Variants in ITGA6 observed in about 807,000 individuals in gnomAD.
ITGA6 encodes the protein integrin subunit alpha 6, also known as integrin alpha-6.
In ITGA6, 63 loss-of-function variants were observed where a neutral mutation model predicts 133.6. That is an observed-to-expected ratio of 0.47 (90% confidence interval 0.38 to 0.58). The LOEUF is 0.58. Ranked by LOEUF, ITGA6 falls within the 20% of genes least tolerant of loss-of-function variation. ITGA6 has a pLI of 0.00. For synonymous variants in ITGA6, 434 were observed against 482.0 expected (o/e 0.90, Z 1.30); for missense variants, 1,068 against 1,309.4 (o/e 0.82, Z 2.85).
At chr2:172,462,591 C>T (rs1178922606) in intron 1 of ITGA6, among the ~76,000 whole-genome samples, 2 of 152,170 alleles carry the variant, frequency 1.3e-5, no homozygotes, top group African/African-American at 4.8e-5. Flanking sequence ...TCACCACAGC[C>T]CCTGTAACCA....
intron 1 of ITGA6, among the ~76,000 whole-genome samples, chr2:172,439,725 C>T (rs1308262923): frequency 6.7e-6 from 1 of 148,400 alleles, no homozygotes; most frequent in African/African-American, 2.4e-5. Flanking sequence ...CCAGCTCAAC[C>T]TTTTCTCTCT....
chr2:172,427,774 C>G lies in ITGA6; in HGVS notation c.-15C>G. 6.3e-7 allele frequency: 1 copy of G among 1,579,254 alleles called. No individual in the cohort carries two copies. The highest frequency in any genetic ancestry group is 8.6e-7 in the Non-Finnish European group (1 of 1,164,720). On this transcript the variant is annotated 5_prime_UTR_variant, in exon 1 of 26. Coordinates refer to ENST00000684293, the MANE Select transcript of ITGA6 (RefSeq NM_000210.4). ...GCCGCTGCAGGTCCCCGCTCCCCTCCCCGTGCGTCCGCCCATGGCCGCCGC... is the reference window on the plus strand; with the variant it reads ...GCCGCTGCAGGTCCCCGCTCCCCTCGCCGTGCGTCCGCCCATGGCCGCCGC...
In ITGA6 at chr2:172,441,559, T is replaced by TAA. The variant is rs57828626; in HGVS notation, c.182+13624_182+13625dup. 6.4e-3 allele frequency among the ~76,000 whole-genome samples: 312 copies of TAA among 48,804 alleles called. 9 individuals are homozygous for TAA. The highest frequency in any genetic ancestry group is 9.6e-3 in the Non-Finnish European group (226 of 23,644). 32.0% of individuals were successfully genotyped at this position (48,804 alleles called of 152,430 possible). On this transcript the variant is annotated intron_variant, in intron 1 of 25. Transcript: ENST00000684293. Reference sequence around the variant, plus strand: ...TAACAGAGTGGAGACGCTGTCTCTTTAAAAAAAAAAAAAAAAAAAAAAAAA... The same window carrying TAA: ...TAACAGAGTGGAGACGCTGTCTCTTTAAAAAAAAAAAAAAAAAAAAAAAAAAA...
At chr2:172,493,549 A>G (rs1687008856) in intron 23 of ITGA6, among the ~76,000 whole-genome samples, 1 of 152,168 alleles carries the variant, frequency 6.6e-6, no homozygotes, top group African/African-American at 2.4e-5. Flanking sequence ...AAGAATGCCA[A>G]GGGTAAACAT....
Position 172,455,848 on chromosome 2 carries a change from G to A in ITGA6, c.183-9691G>A, listed in dbSNP as rs181635273. Among the ~76,000 whole-genome samples the A allele has an allele frequency of 5.3e-3, 811 of 152,234 alleles. 6 individuals carry two copies. The highest frequency in any genetic ancestry group is 0.019 in the African/African-American group (777 of 41,538). On this transcript the variant is annotated intron_variant, in intron 1 of 25. Transcript: ENST00000684293. ...GTACACACACACCAACATGCATATA[G>A]GCTAGAAAGCCTGATATGAGGTGTT...
intron 1 of ITGA6, among the ~76,000 whole-genome samples, chr2:172,445,689 C>T (rs1684740579): frequency 6.6e-6 from 1 of 151,520 alleles, no homozygotes; most frequent in Admixed American, 6.6e-5. Context: ...CCTGAAAGAC[C>T]TCTTTTGGTT....
At position 172,430,498 on chromosome 2, in the gene ITGA6, AAGG is replaced by A. The variant is rs147397399; in HGVS notation, c.182+2531_182+2533del. Among the ~76,000 whole-genome samples the A allele has an allele frequency of 2.7e-3, 417 of 152,370 alleles. 2 individuals carry two copies. The highest frequency in any genetic ancestry group is 9.7e-3 in the African/African-American group (403 of 41,596). On this transcript the variant is annotated intron_variant, in intron 1 of 25. Coordinates refer to ENST00000684293, the MANE Select transcript of ITGA6 (RefSeq NM_000210.4). ...GTTTAATGAACAGAGGACTTTGAGG[AAGG>A]AGAAGTAAAATATCAGATGCATGGG... is the stretch of plus-strand genomic sequence containing the variant.
intron 5 of ITGA6, among the ~76,000 whole-genome samples, chr2:172,471,726 GCT>G (rs1469901744): frequency 6.6e-6 from 1 of 152,082 alleles, no homozygotes; most frequent in African/African-American, 2.4e-5. Flanking sequence ...AACTCCTAAG[GCT>G]TGTTTGCATG....
In ITGA6 at chr2:172,487,062, T is replaced by C. The variant is rs777214842; in HGVS notation, c.1894T>C (p.Cys632Arg). Residue 632 changes from cysteine to arginine, a missense_variant, in exon 14 of 26, where the codon TGT (cysteine) becomes CGT (arginine). Physicochemically the swap from Cys to Arg is radical, Grantham distance 180. Coordinates refer to ENST00000684293, the MANE Select transcript of ITGA6 (RefSeq NM_000210.4). ...AGAGGGATGTGGAGACGACAATGTATGTAACAGCAACCTTAAACTAGAATA... is the reference window on the plus strand; with the variant it reads ...AGAGGGATGTGGAGACGACAATGTACGTAACAGCAACCTTAAACTAGAATA... ...LKEGCGDDNV[C>R]NSNLKLEYKF... 1 of 1,613,052 alleles carries C rather than the reference T, an allele frequency of 6.2e-7. No homozygotes were observed. The highest frequency in any genetic ancestry group is 8.5e-7 in the Non-Finnish European group (1 of 1,179,012).
Position 172,498,050 on chromosome 2 carries a change from A to C in ITGA6, c.3064A>C (p.Ile1022Leu). 1 of 1,613,834 alleles carries C rather than the reference A, an allele frequency of 6.2e-7. No individual in the cohort carries two copies. The highest frequency in any genetic ancestry group is 8.5e-7 in the Non-Finnish European group (1 of 1,179,752). Residue 1022 changes from isoleucine to leucine, a missense_variant, in exon 24 of 26, where the codon ATT becomes CTT. This residue lies in a region of ITGA6 where 609 missense variants were observed against 707.2 expected (regional missense o/e 0.86). Coordinates refer to ENST00000684293, the MANE Select transcript of ITGA6 (RefSeq NM_000210.4). ...GVPWWIILVAILAGILMLALL... is the reference protein window; with the variant it reads ...GVPWWIILVALLAGILMLALL... ...ACCTTGGTGGATCATCCTAGTGGCTATTCTCGCTGGGATCTTGATGCTTGC... is the reference window on the plus strand; with the variant it reads ...ACCTTGGTGGATCATCCTAGTGGCTCTTCTCGCTGGGATCTTGATGCTTGC...
intron 3 of ITGA6, among the ~76,000 whole-genome samples, chr2:172,468,101 C>A (rs3792254): frequency 0.27 from 41,218 of 152,110 alleles, 7,559 homozygotes; most frequent in East Asian, 0.79. Context: ...AATATTCCTA[C>A]AACTCTAGAT....
At chr2:172,436,212 G>T (rs981671440) in intron 1 of ITGA6, among the ~76,000 whole-genome samples, 1 of 152,186 alleles carries the variant, frequency 6.6e-6, no homozygotes, top group Non-Finnish European at 1.5e-5. Flanking sequence ...AAGGACAGTG[G>T]CCTTGGGGAA....
At chr2:172,487,174 C>G in intron 14 of ITGA6, 36 bp downstream of exon 14, 2 of 1,520,102 alleles carry the variant, frequency 1.3e-6, no homozygotes, top group Non-Finnish European at 1.8e-6. Flanking sequence ...AAAAATGATT[C>G]TGGCTTCATG....
intron 24 of ITGA6, among the ~76,000 whole-genome samples, chr2:172,500,154 C>A (rs1035585111): frequency 2.6e-5 from 4 of 151,802 alleles, no homozygotes; most frequent in African/African-American, 9.7e-5. Flanking sequence ...CTAAACTAGG[C>A]AGGATGAAGA....
Position 172,487,988 on chromosome 2 carries a change from A to T in ITGA6, c.2352A>T (p.Pro784=). The T allele has an allele frequency of 6.2e-7, 1 of 1,614,054 alleles. No individual in the cohort carries two copies. Among genetic ancestry groups the T allele is most frequent in the Non-Finnish European group, 8.5e-7 (1 of 1,179,920 alleles). The change falls in exon 18 of 26, where the codon CCA becomes CCT. Residue 784 remains proline, a synonymous_variant. Transcript: ENST00000684293. ...CAAGCAATCAAGATAATTTGGCTCC[A>T]ATTACAGCTAAAGCAAAAGTGGTTA... is the stretch of plus-strand genomic sequence containing the variant. ...ETTSNQDNLA[P]ITAKAKVVIE...
At position 172,474,250 on chromosome 2, in the gene ITGA6, A is replaced by G. The variant is rs1574377325; in HGVS notation, c.971A>G (p.Asp324Gly). 6.2e-7 allele frequency: 1 copy of G among 1,613,900 alleles called. No individual in the cohort carries two copies. The highest frequency in any genetic ancestry group is 8.5e-7 in the Non-Finnish European group (1 of 1,179,942). ...SSFGYDVAVV[D>G]LNKDGWQDIV... ...TTTGGCTATGATGTGGCGGTGGTGG[A>G]CCTCAACAAGGATGGGTGAGAAAGC... The change falls in exon 6 of 26, where the codon GAC (aspartate) becomes GGC (glycine). Residue 324 changes from aspartate to glycine, a missense_variant. Physicochemically the swap from Asp to Gly is moderately conservative, Grantham distance 94. Coordinates refer to ENST00000684293, the MANE Select transcript of ITGA6 (RefSeq NM_000210.4).
At chr2:172,474,312 G>A in intron 6 of ITGA6, 47 bp downstream of exon 6, 1 of 1,524,498 alleles carries the variant, frequency 6.6e-7, no homozygotes, top group Non-Finnish European at 9.1e-7. Flanking sequence ...TTTCTGCTTT[G>A]ACTAGCTTCT....
At chr2:172,474,314 C>G (rs1324049337) in intron 6 of ITGA6, 49 bp downstream of exon 6, 1 of 1,513,516 alleles carries the variant, frequency 6.6e-7, no homozygotes, top group Non-Finnish European at 9.2e-7. Context: ...TCTGCTTTGA[C>G]TAGCTTCTAT....
chr2:172,504,082 C>T lies in ITGA6; in HGVS notation c.*23-9C>T. 6.4e-7 allele frequency: 1 copy of T among 1,561,482 alleles called. No homozygotes were observed. The highest frequency in any genetic ancestry group is 8.7e-7 in the Non-Finnish European group (1 of 1,155,584). On this transcript the variant is annotated splice_polypyrimidine_tract_variant and intron_variant, in intron 25 of 25. Coordinates refer to ENST00000684293, the MANE Select transcript of ITGA6 (RefSeq NM_000210.4). The stretch of plus-strand genomic sequence containing the variant: ...AATTTGTTTCTCTTTCTCTTTCCCT[C>T]TTCTCTAGTGTGGATTCTTTAAACG...
Sources: gnomAD v4.1 joint callset for allele counts (sites outside exome capture counted in the v4.1 genomes callset) on GRCh38, gnomAD v4.1.1 for gene constraint, gnomAD v4.1.1 regional missense constraint, MANE v1.5 for transcripts, NCBI Gene and HGNC (gene_info 2026-07-23, HGNC 2026-07-21) for gene names.